The following TRAP1 variants were observed in gnomAD, a reference collection of about 807,000 sequenced individuals.
TRAP1 encodes the protein TNF receptor associated protein 1.
In TRAP1, 102 loss-of-function variants were observed where a neutral mutation model predicts 89.1. The observed-to-expected ratio is 1.15, with a 90% CI of 0.98 to 1.35. TRAP1 has a LOEUF of 1.35. TRAP1 is among the 40% of genes most tolerant of loss of function. The pLI is 0.00. For missense variants in TRAP1, 1,256 were observed against 945.3 expected, an observed-to-expected ratio of 1.33 and a Z score of -4.31; for synonymous variants, 508 against 388.0, an observed-to-expected ratio of 1.31 and a Z score of -3.64.
intron 11 of TRAP1, among the ~76,000 whole-genome samples, chr16:3,671,043 GA>G (rs1296051784): frequency 1.3e-5 from 2 of 152,178 alleles, no homozygotes; most frequent in Non-Finnish European, 1.5e-5. Flanking sequence ...GGTGGGCAGA[GA>G]AACACTGCAG....
chr16:3,658,145 G>A lies in TRAP1; in HGVS notation c.2099C>T (p.Ala700Val), dbSNP rs754659415. 9.3e-6 allele frequency: 15 copies of A among 1,613,934 alleles called. No homozygotes were observed. The South Asian group carries it at 1.4e-4, about 15-fold the overall frequency. The change falls in exon 18 of 18, where the codon GCC becomes GTC. Residue 700 changes from alanine (A) to valine (V), a missense_variant. Ala to Val is a moderately conservative substitution (Grantham distance 64). Transcript: ENST00000246957. ...VGRLNELLVK[A>V]LERH is the part of the protein sequence containing the mutation. ...CCCTGGCTGTCAGTGTCGCTCCAGG[G>A]CCTTGACAAGCAGCTCATTCAAGCG...
Position 3,673,045 on chromosome 16 carries a change from C to G in TRAP1, c.1045-225G>C, listed in dbSNP as rs12925683. On this transcript the variant is annotated intron_variant, in intron 9 of 17. Coordinates refer to ENST00000246957, the MANE Select transcript of TRAP1 (RefSeq NM_016292.3). ...GGCAGCTGCCGCCCTCCCCAGCCCA[C>G]CCCCTAAGGAGGACACAAGAGAGTG... Among the ~76,000 whole-genome samples the G allele has an allele frequency of 0.38, 57,668 of 151,930 alleles. 12,542 individuals are homozygous for G. The highest frequency in any genetic ancestry group is 0.54 in the East Asian group (2,778 of 5,138).
intron 4 of TRAP1, among the ~76,000 whole-genome samples, chr16:3,681,484 G>A (rs2051072832): frequency 6.6e-6 from 1 of 152,204 alleles, no homozygotes; most frequent in African/African-American, 2.4e-5. Flanking sequence ...ATGTGTGCAT[G>A]TTTCACGGGC....
At chr16:3,699,202 C>A (rs189397302) in intron 1 of TRAP1, among the ~76,000 whole-genome samples, 1 of 152,150 alleles carries the variant, frequency 6.6e-6, no homozygotes, top group African/African-American at 2.4e-5. Flanking sequence ...GTCTCAGTAG[C>A]TGGGACTCCT....
chr16:3,675,896 G>C, intron 7 of TRAP1, 140 bp downstream of exon 7: 1 of 717,662 alleles, frequency 1.4e-6, no homozygotes, highest in South Asian at 2.0e-5. Context: ...CCCCCTCCCA[G>C]TCCCGCAGCG....
chr16:3,684,773 C>A (rs976400745), intron 4 of TRAP1, among the ~76,000 whole-genome samples: 2 of 152,038 alleles, frequency 1.3e-5, no homozygotes, highest in African/African-American at 4.8e-5. Flanking sequence ...CTGGGCGACA[C>A]AGCCACACTC....
chr16:3,696,753 G>T (rs1046503625), intron 1 of TRAP1, among the ~76,000 whole-genome samples: 1 of 150,506 alleles, frequency 6.6e-6, no homozygotes, highest in African/African-American at 2.4e-5. Context: ...TTTTGACTGG[G>T]TCTCACTCTG....
intron 1 of TRAP1, among the ~76,000 whole-genome samples, chr16:3,704,014 CAA>C (rs34889672): frequency 6.2e-4 from 91 of 147,044 alleles, no homozygotes; most frequent in African/African-American, 1.4e-3. Context: ...GACCCCGTCT[CAA>C]AAAAAAAAAA....
At chr16:3,698,020 C>A (rs2051313451) in intron 1 of TRAP1, among the ~76,000 whole-genome samples, 2 of 151,740 alleles carry the variant, frequency 1.3e-5, no homozygotes, top group African/African-American at 4.8e-5. Flanking sequence ...ACCATGTTGG[C>A]CAGGATGGTC....
chr16:3,713,123 A>G (rs2051553580), intron 1 of TRAP1, among the ~76,000 whole-genome samples: 1 of 152,080 alleles, frequency 6.6e-6, no homozygotes, highest in Non-Finnish European at 1.5e-5. Flanking sequence ...TCACAGACAG[A>G]GTCGCAACTG....
chr16:3,679,780 A>G lies in TRAP1; in HGVS notation c.482T>C (p.Ile161Thr), dbSNP rs376064373. The G allele has an allele frequency of 9.9e-6, 16 of 1,613,964 alleles. No individual in the cohort carries two copies. Among genetic ancestry groups the G allele is most frequent in the African/African-American group, 1.3e-5 (1 of 74,936 alleles). Residue 161 changes from isoleucine to threonine, a missense_variant, in exon 5 of 18, where the codon ATC (isoleucine) becomes ACC (threonine). Physicochemically the swap from Ile to Thr is moderately conservative, Grantham distance 89. Transcript: ENST00000246957. ...CACCAGCTCTTCCTGTGTCATCCCG[A>G]TACCAGTATCCTGAGGAGAGAGACG... is the stretch of plus-strand genomic sequence containing the variant. ...KGTITIQDTG[I>T]GMTQEELVSN...
In TRAP1 at chr16:3,703,679, A is replaced by G. The variant is rs895800547; in HGVS notation, c.89-12694T>C. ...GTATCGTTTGCATATTGGACTACAT[A>G]TATCAATAATCTACAAAATAAATAC... is the stretch of plus-strand genomic sequence containing the variant. On this transcript the variant is annotated intron_variant, in intron 1 of 17. Coordinates refer to ENST00000246957, the MANE Select transcript of TRAP1 (RefSeq NM_016292.3). 3.3e-5 allele frequency among the ~76,000 whole-genome samples: 5 copies of G among 152,010 alleles called. 1 individual carries two copies. The South Asian group carries it at 1.0e-3, about 31-fold the overall frequency.
intron 4 of TRAP1, among the ~76,000 whole-genome samples, chr16:3,681,254 T>C (rs1437686825): frequency 6.6e-6 from 1 of 152,158 alleles, no homozygotes; most frequent in East Asian, 1.9e-4. Context: ...TTCTAAAGAC[T>C]TCCTCTCCAG....
At chr16:3,691,951 C>G (rs756854405) in intron 1 of TRAP1, among the ~76,000 whole-genome samples, 1 of 152,126 alleles carries the variant, frequency 6.6e-6, no homozygotes, top group East Asian at 1.9e-4. Context: ...CCCAGCCGCA[C>G]GCAGTTCACC....
intron 1 of TRAP1, among the ~76,000 whole-genome samples, chr16:3,700,191 G>A (rs537246064): frequency 6.6e-6 from 1 of 151,388 alleles, no homozygotes; most frequent in South Asian, 2.1e-4. Flanking sequence ...TTTTGAGATG[G>A]AGTTTCCCTC....
In TRAP1 at chr16:3,686,140, C is replaced by A. The variant is rs1354103693; in HGVS notation, c.331-4G>T. ...AGATCAGCTCCCGTATAAACACCTA[C>A]AGGAATAGAAATGGGAGGCACAGAC... On this transcript the variant is annotated splice_polypyrimidine_tract_variant and splice_region_variant and intron_variant, in intron 3 of 17. Transcript: ENST00000246957. 2.5e-6 allele frequency: 4 copies of A among 1,613,510 alleles called. No individual in the cohort carries two copies. In the African/African-American group the frequency reaches 5.3e-5, roughly 22 times the overall value.
At chr16:3,658,906 C>T (rs376595103) in intron 16 of TRAP1, 41 bp from the exon 17 acceptor site, 53 of 1,593,574 alleles carry the variant, frequency 3.3e-5, no homozygotes, top group East Asian at 6.7e-5. Flanking sequence ...CTCAGTACCA[C>T]GTGCTGTGAC....
At chr16:3,699,788 C>G (rs1442663779) in intron 1 of TRAP1, among the ~76,000 whole-genome samples, 1 of 151,914 alleles carries the variant, frequency 6.6e-6, no homozygotes, top group Non-Finnish European at 1.5e-5. Context: ...CTGCTTTACT[C>G]TCCTGAACAG....
At position 3,663,404 on chromosome 16, in the gene TRAP1, A is replaced by G. The variant is rs2050735042; in HGVS notation, c.1708+20T>C. The G allele has an allele frequency of 6.2e-7, 1 of 1,613,624 alleles. No individual in the cohort carries two copies. The highest frequency in any genetic ancestry group is 8.5e-7 in the Non-Finnish European group (1 of 1,179,678). Reference sequence around the variant, plus strand: ...GGGAGTGGAAACCAGCCCCACGCCTAGAGAGCAGGGGATGCCGACCTGGGG... The same window carrying G: ...GGGAGTGGAAACCAGCCCCACGCCTGGAGAGCAGGGGATGCCGACCTGGGG... On this transcript the variant is annotated intron_variant, in intron 14 of 17. Coordinates refer to ENST00000246957, the MANE Select transcript of TRAP1 (RefSeq NM_016292.3).
Sources: gnomAD v4.1 joint callset for allele counts (sites outside exome capture counted in the v4.1 genomes callset) on GRCh38, gnomAD v4.1.1 for gene constraint, MANE v1.5 for transcripts, NCBI Gene and HGNC (gene_info 2026-07-23, HGNC 2026-07-21) for gene names.